ANKRD27: variants seen among roughly 807,000 people sequenced by gnomAD.
ANKRD27 encodes the protein ankyrin repeat domain 27, also known as ankyrin repeat domain-containing protein 27.
A neutral mutation model predicts 129.7 loss-of-function variants in ANKRD27; 112 were observed. The observed-to-expected ratio is 0.86, with a 90% confidence interval of 0.74 to 1.01. The LOEUF is 1.01. ANKRD27 is among the 50% of genes least tolerant of loss of function. ANKRD27 has a pLI of 0.00. For synonymous variants in ANKRD27, 516 were observed against 511.2 expected (o/e 1.01, Z -0.13); for missense variants, 1,258 against 1,300.5 (o/e 0.97, Z 0.50).
rs184687856 is a variant in ANKRD27, at chr19:32,646,241, T to A, written c.370+218A>T. Among the ~76,000 whole-genome samples the A allele has an allele frequency of 5.5e-3, 833 of 151,978 alleles. 3 individuals carry two copies. The highest frequency in any genetic ancestry group is 0.018 in the African/African-American group (763 of 41,416). ...GCCACTGCGCCCGGCTTGATTTTTT[T>A]AATTTTTTTATAGAGACAGGGTCTC... is the stretch of plus-strand genomic sequence containing the variant. On this transcript the variant is annotated intron_variant, in intron 4 of 28. Coordinates refer to ENST00000306065, the MANE Select transcript of ANKRD27 (RefSeq NM_032139.3).
intron 1 of ANKRD27, among the ~76,000 whole-genome samples, chr19:32,673,733 C>G (rs1431382970): frequency 6.6e-6 from 1 of 152,210 alleles, no homozygotes; most frequent in Non-Finnish European, 1.5e-5. Flanking sequence ...AACACCCAGC[C>G]TACTGCTCAC....
chr19:32,602,413 A>G (rs771873093), intron 25 of ANKRD27, among the ~76,000 whole-genome samples: 16 of 152,146 alleles, frequency 1.1e-4, no homozygotes, highest in Non-Finnish European at 2.4e-4. Flanking sequence ...ATCTACTATC[A>G]TATGCTTATC....
At chr19:32,618,291 C>T (rs1439122212) in intron 20 of ANKRD27, among the ~76,000 whole-genome samples, 3 of 151,540 alleles carry the variant, frequency 2.0e-5, no homozygotes, top group Non-Finnish European at 4.4e-5. Flanking sequence ...AGACGCCAGC[C>T]ACCCCTATGA....
rs754343994 is a variant in ANKRD27 at position 32,598,376 on chromosome 19, T to C, written c.2922A>G (p.Pro974=). 4.3e-6 allele frequency: 7 copies of C among 1,614,030 alleles called. No individual in the cohort carries two copies. The South Asian group carries it at 7.7e-5, about 18-fold the overall frequency. Residue 974 remains proline, a splice_region_variant and synonymous_variant, in exon 29 of 29, where the codon CCA becomes CCG. Coordinates refer to ENST00000306065, the MANE Select transcript of ANKRD27 (RefSeq NM_032139.3). ...PNLTEGSLHE[P]GRQSVTLRQN... is the part of the protein sequence containing the mutation. ...GTCTCAGTGTGACACTTTGCCTCCC[T>C]GGCTAAAGAAAAAGTACATTTTTAA...
At position 32,660,582 on chromosome 19, in the gene ANKRD27, G is replaced by C. The variant is rs564327208; in HGVS notation, c.-30-1537C>G. ...GCTCCTCCGGCCACGTGAGGTTACA[G>C]AGAACAGACAGCTGTTTATGAAGCA... On this transcript the variant is annotated intron_variant, in intron 1 of 28. Transcript: ENST00000306065. 5.9e-5 allele frequency among the ~76,000 whole-genome samples: 9 copies of C among 152,252 alleles called. No individual in the cohort carries two copies. In the East Asian group the frequency reaches 1.4e-3, roughly 23 times the overall value.
intron 3 of ANKRD27, among the ~76,000 whole-genome samples, chr19:32,646,902 T>C (rs941963690): frequency 1.3e-5 from 2 of 152,326 alleles, no homozygotes; most frequent in South Asian, 4.1e-4. Flanking sequence ...CTCGGCTCAC[T>C]GCAACCTCCG....
At chr19:32,632,785 C>T (rs1967020037) in intron 12 of ANKRD27, among the ~76,000 whole-genome samples, 1 of 152,088 alleles carries the variant, frequency 6.6e-6, no homozygotes. Context: ...ACCCCCAAAC[C>T]CTGACAAATT....
chr19:32,612,150 G>A (rs1971844512), intron 22 of ANKRD27, among the ~76,000 whole-genome samples: 1 of 151,934 alleles, frequency 6.6e-6, no homozygotes, highest in Admixed American at 6.6e-5. Context: ...AAATACTGAG[G>A]TGTACACTTA....
At chr19:32,643,725 T>C in intron 5 of ANKRD27, 94 bp from the exon 6 acceptor site, 3 of 1,295,584 alleles carry the variant, frequency 2.3e-6, no homozygotes. Flanking sequence ...CTTCAAGTGC[T>C]AACACAAGCT....
At chr19:32,614,702 T>TA (rs1351511260) in intron 22 of ANKRD27, among the ~76,000 whole-genome samples, 4 of 150,880 alleles carry the variant, frequency 2.7e-5, no homozygotes, top group South Asian at 4.2e-4. Context: ...AAAAAATAAA[T>TA]AAATAAAAAG....
chr19:32,618,962 T>A (rs978969827), intron 20 of ANKRD27, among the ~76,000 whole-genome samples: 2 of 152,182 alleles, frequency 1.3e-5, no homozygotes, highest in African/African-American at 4.8e-5. Flanking sequence ...GACTTCTACA[T>A]GACCTGACTT....
chr19:32,640,705 C>T (rs550840220), intron 10 of ANKRD27, among the ~76,000 whole-genome samples: 2 of 152,192 alleles, frequency 1.3e-5, no homozygotes, highest in South Asian at 4.2e-4. Context: ...AGTCTGAGGC[C>T]AGCCTGGGCA....
chr19:32,628,896 A>G (rs1383243114), intron 13 of ANKRD27, 47 bp from the exon 14 acceptor site: 2 of 1,603,530 alleles, frequency 1.2e-6, no homozygotes, highest in Non-Finnish European at 1.7e-6. Context: ...GAATTACTCA[A>G]TTATTAGGAG....
intron 3 of ANKRD27, among the ~76,000 whole-genome samples, chr19:32,647,030 T>C (rs1053128105): frequency 1.3e-5 from 2 of 152,188 alleles, no homozygotes; most frequent in Non-Finnish European, 2.9e-5. Context: ...TTTGTCATGT[T>C]GGCCAGGCTG....
At chr19:32,674,827 C>G (rs1213917640) in intron 1 of ANKRD27, among the ~76,000 whole-genome samples, 3 of 152,044 alleles carry the variant, frequency 2.0e-5, no homozygotes, top group African/African-American at 7.2e-5. Flanking sequence ...CCGCGCCGAC[C>G]GCTCCCCTCC....
chr19:32,607,959 G>T, intron 22 of ANKRD27, 127 bp from the exon 23 acceptor site: 3 of 991,824 alleles, frequency 3.0e-6, no homozygotes, highest in Non-Finnish European at 4.5e-6. Context: ...ATCCAGGATG[G>T]ATTCCAATTT....
chr19:32,644,477 C>G lies in ANKRD27; in HGVS notation c.373G>C (p.Glu125Gln). The G allele has an allele frequency of 6.2e-7, 1 of 1,612,924 alleles. No individual in the cohort carries two copies. The highest frequency in any genetic ancestry group is 8.5e-7 in the Non-Finnish European group (1 of 1,179,172). ...HPLEKRESSE[E>Q]PLAPSDPFSL... Reference sequence around the variant, plus strand: ...AAGGGATCTGAGGGTGCCAAAGGCTCTTCTGAAAAAGAAACAAACAGGTCA... The same window carrying G: ...AAGGGATCTGAGGGTGCCAAAGGCTGTTCTGAAAAAGAAACAAACAGGTCA... The change falls in exon 5 of 29, where the codon GAG becomes CAG. Residue 125 changes from glutamate to glutamine, a missense_variant and splice_region_variant. By Grantham distance (29) the Glu-to-Gln change is conservative. Coordinates refer to ENST00000306065, the MANE Select transcript of ANKRD27 (RefSeq NM_032139.3).
chr19:32,623,145 G>A (rs935961142), intron 17 of ANKRD27, among the ~76,000 whole-genome samples: 22 of 149,088 alleles, frequency 1.5e-4, no homozygotes, highest in African/African-American at 4.8e-4. Flanking sequence ...AGAAGTGGCT[G>A]CAAAAACTGT....
At chr19:32,606,396 C>T (rs986663925) in intron 23 of ANKRD27, among the ~76,000 whole-genome samples, 1 of 152,066 alleles carries the variant, frequency 6.6e-6, no homozygotes, top group Non-Finnish European at 1.5e-5. Flanking sequence ...TCAGGTGATC[C>T]ACCCGTCTCG....
Sources: gnomAD v4.1 joint callset for allele counts (sites outside exome capture counted in the v4.1 genomes callset) on GRCh38, gnomAD v4.1.1 for gene constraint, MANE v1.5 for transcripts, NCBI Gene and HGNC (gene_info 2026-07-23, HGNC 2026-07-21) for gene names.